The following PRPSAP1 variants were observed in gnomAD, a reference collection of about 807,000 sequenced individuals.
PRPSAP1 encodes phosphoribosyl pyrophosphate synthetase associated protein 1.
In PRPSAP1, 31 loss-of-function variants were observed where a neutral mutation model predicts 39.4. The observed-to-expected ratio is 0.79, with a 90% CI of 0.59 to 1.06. The LOEUF is 1.06. Among genes scored for constraint, PRPSAP1 ranks in the 50% least tolerant of loss-of-function variants. The pLI is 0.00. For synonymous variants in PRPSAP1, 212 were observed against 192.6 expected, an observed-to-expected ratio of 1.10 and a Z score of -0.83; for missense variants, 430 against 511.6, an observed-to-expected ratio of 0.84 and a Z score of 1.54.
In PRPSAP1 at chr17:76,324,871, C is replaced by A. The variant is rs994118054; in HGVS notation, c.781+3846G>T. Among the ~76,000 whole-genome samples, 3 of 148,994 alleles carry A rather than the reference C, an allele frequency of 2.0e-5. No individual in the cohort carries two copies. The Admixed American group carries it at 2.0e-4, about 10-fold the overall frequency. On this transcript the variant is annotated intron_variant, in intron 7 of 9. Transcript: ENST00000446526. ...GGTCAGGAGATCGAGACCATCCTGGCTAACATGGTGAAACCCCATCTCTAC... is the reference window on the plus strand; with the variant it reads ...GGTCAGGAGATCGAGACCATCCTGGATAACATGGTGAAACCCCATCTCTAC...
intron 7 of PRPSAP1, among the ~76,000 whole-genome samples, chr17:76,316,170 C>T (rs1465042419): frequency 5.1e-5 from 7 of 135,964 alleles, no homozygotes; most frequent in East Asian, 2.1e-4. Flanking sequence ...AGTGAGACTC[C>T]GTCTAAAAAA....
rs575802195 is a variant in PRPSAP1 at position 76,326,043 on chromosome 17, A to G, written c.781+2674T>C. On this transcript the variant is annotated intron_variant, in intron 7 of 9. Coordinates refer to ENST00000446526, the MANE Select transcript of PRPSAP1 (RefSeq NM_002766.3). ...CATGTGCTGGGACATCAAAAAATTC[A>G]TGAGACTCACTTTATTATAATATTC... Among the ~76,000 whole-genome samples the G allele has an allele frequency of 2.6e-5, 4 of 152,216 alleles. No homozygotes were observed. In the South Asian group the frequency reaches 6.2e-4, roughly 24 times the overall value.
chr17:76,335,414 G>A (rs1334994631), intron 3 of PRPSAP1, among the ~76,000 whole-genome samples: 1 of 151,976 alleles, frequency 6.6e-6, no homozygotes, highest in Non-Finnish European at 1.5e-5. Flanking sequence ...GGAGTGTAAT[G>A]GTGCGATCTC....
At chr17:76,323,932 G>A (rs1224761819) in intron 7 of PRPSAP1, among the ~76,000 whole-genome samples, 3 of 151,726 alleles carry the variant, frequency 2.0e-5, no homozygotes, top group Non-Finnish European at 1.5e-5. Context: ...GATCACCTGA[G>A]GTCAGGAGTT....
chr17:76,338,743 A>T (rs1441260127), intron 3 of PRPSAP1, among the ~76,000 whole-genome samples: 1 of 151,680 alleles, frequency 6.6e-6, no homozygotes, highest in Non-Finnish European at 1.5e-5. Flanking sequence ...AAAATAAAAT[A>T]AAAAATTAGG....
chr17:76,324,395 TC>T (rs962349780), intron 7 of PRPSAP1, among the ~76,000 whole-genome samples: 2 of 151,400 alleles, frequency 1.3e-5, no homozygotes, highest in African/African-American at 4.9e-5. Context: ...GGTCAGGAGT[TC>T]CAGACCAGCC....
At chr17:76,353,401 T>G in intron 1 of PRPSAP1, 133 bp downstream of exon 1, 1 of 924,604 alleles carries the variant, frequency 1.1e-6, no homozygotes, top group Non-Finnish European at 1.5e-6. Context: ...CCAAGCTTTG[T>G]CCGGCTGGGA....
intron 3 of PRPSAP1, among the ~76,000 whole-genome samples, chr17:76,339,067 T>C (rs2071408099): frequency 6.6e-6 from 1 of 151,572 alleles, no homozygotes; most frequent in Non-Finnish European, 1.5e-5. Flanking sequence ...ATTATCTGTG[T>C]TCTTTAGTTG....
chr17:76,353,468 C>T (rs975690734), intron 1 of PRPSAP1, 66 bp downstream of exon 1: 8 of 1,390,778 alleles, frequency 5.8e-6, no homozygotes, highest in Non-Finnish European at 7.5e-6. Context: ...GGGAGCGGGT[C>T]CCTCCGGGCG....
At chr17:76,320,345 A>AGGGAGGG (rs2071180879) in intron 7 of PRPSAP1, among the ~76,000 whole-genome samples, 1 of 79,564 alleles carries the variant, frequency 1.3e-5, no homozygotes, top group South Asian at 4.4e-4. Flanking sequence ...GGGAGGGAGG[A>AGGGAGGG]AGGAAGGAAG....
rs549461018 is a variant in PRPSAP1, at chr17:76,314,922, T to C, written c.782-1031A>G. ...GAGACATGCAGAAGGAATGCCGCTC[T>C]GCAGAAAGCGAAACAGCGAAAGGCT... On this transcript the variant is annotated intron_variant, in intron 7 of 9. Transcript: ENST00000446526. 2.0e-5 allele frequency among the ~76,000 whole-genome samples: 3 copies of C among 152,380 alleles called. No homozygotes were observed. The East Asian group carries it at 5.8e-4, about 29-fold the overall frequency.
chr17:76,351,686 T>C (rs1403745034), intron 1 of PRPSAP1, among the ~76,000 whole-genome samples: 1 of 151,918 alleles, frequency 6.6e-6, no homozygotes, highest in Admixed American at 6.6e-5. Flanking sequence ...TGTCTCAAAA[T>C]AAATAAAACA....
intron 1 of PRPSAP1, among the ~76,000 whole-genome samples, chr17:76,350,421 AGAGT>A (rs370780604): frequency 6.6e-6 from 1 of 152,044 alleles, no homozygotes; most frequent in African/African-American, 2.4e-5. Context: ...CCTGTGCGAC[AGAGT>A]GAGATTCCGT....
chr17:76,323,598 G>C (rs777547925), intron 7 of PRPSAP1, among the ~76,000 whole-genome samples: 3 of 152,138 alleles, frequency 2.0e-5, no homozygotes, highest in Non-Finnish European at 2.9e-5. Context: ...GTGGTGGAAA[G>C]AGCAAAAGAA....
At chr17:76,341,234 G>GTTTTTTTTT (rs5822126) in intron 3 of PRPSAP1, among the ~76,000 whole-genome samples, 3 of 119,998 alleles carry the variant, frequency 2.5e-5, no homozygotes, top group East Asian at 5.1e-4. Flanking sequence ...ACTTTTTTTT[G>GTTTTTTTTT]TTTTTTTTTT....
At chr17:76,316,169 C>A (rs2071121004) in intron 7 of PRPSAP1, among the ~76,000 whole-genome samples, 2 of 141,160 alleles carry the variant, frequency 1.4e-5, no homozygotes, top group African/African-American at 2.7e-5. Flanking sequence ...GAGTGAGACT[C>A]CGTCTAAAAA....
intron 7 of PRPSAP1, among the ~76,000 whole-genome samples, chr17:76,324,563 T>C (rs1307664504): frequency 1.3e-5 from 2 of 150,826 alleles, no homozygotes; most frequent in African/African-American, 4.9e-5. Flanking sequence ...ACTGCACCAC[T>C]GCACTCCAGC....
chr17:76,351,065 A>C (rs932779570), intron 1 of PRPSAP1, among the ~76,000 whole-genome samples: 3 of 152,114 alleles, frequency 2.0e-5, no homozygotes, highest in African/African-American at 7.2e-5. Flanking sequence ...AACGGTTAAA[A>C]AGGTAAACTT....
At chr17:76,341,039 C>T (rs1309296392) in intron 3 of PRPSAP1, among the ~76,000 whole-genome samples, 1 of 151,940 alleles carries the variant, frequency 6.6e-6, no homozygotes, top group Admixed American at 6.6e-5. Flanking sequence ...GTCTTAGCTC[C>T]TCCCCTGACT....
Sources: allele counts gnomAD v4.1 joint callset (sites outside exome capture counted in the v4.1 genomes callset), GRCh38; gene constraint gnomAD v4.1.1; transcripts MANE v1.5; gene names NCBI Gene and HGNC (gene_info 2026-07-23, HGNC 2026-07-21).